Variants in ZRANB3 observed in about 807,000 individuals in gnomAD.
The protein encoded by ZRANB3 is DNA annealing helicase and endonuclease ZRANB3.
A neutral mutation model predicts 133.8 loss-of-function variants in ZRANB3; 125 were observed. The observed-to-expected ratio is 0.93, with a 90% confidence interval of 0.81 to 1.08. The LOEUF (loss-of-function observed/expected upper bound fraction) is 1.08, where lower values mean the gene tolerates loss of function less well. Among genes scored for constraint, ZRANB3 ranks in the 50% least tolerant of loss-of-function variants. The pLI is 0.00. For missense variants in ZRANB3, 1,229 were observed against 1,275.5 expected (o/e 0.96, Z 0.56); for synonymous variants, 387 against 432.7 (o/e 0.89, Z 1.31).
rs1432470283 is a variant in ZRANB3, at chr2:135,250,207, T to G, written c.1539+15327A>C. Among the ~76,000 whole-genome samples, 3 of 152,276 alleles carry G rather than the reference T, an allele frequency of 2.0e-5. No homozygotes were observed. In the East Asian group the frequency reaches 5.8e-4, roughly 29 times the overall value. On this transcript the variant is annotated intron_variant, in intron 12 of 20. Transcript: ENST00000264159. The stretch of plus-strand genomic sequence containing the variant: ...ATTTTGCCCCTACCCTAGAGATTTG[T>G]GGAACTTTGAACTTGAGAGAGATGA...
At chr2:135,408,655 A>C (rs1471847349) in intron 2 of ZRANB3, among the ~76,000 whole-genome samples, 2 of 152,312 alleles carry the variant, frequency 1.3e-5, no homozygotes, top group East Asian at 3.9e-4. Flanking sequence ...ATAAAAAGTG[A>C]TGAGTTCATG....
At chr2:135,303,203 A>G (rs981847682) in intron 8 of ZRANB3, among the ~76,000 whole-genome samples, 4 of 152,122 alleles carry the variant, frequency 2.6e-5, no homozygotes, top group African/African-American at 9.7e-5. Context: ...ACGTATATAT[A>G]TATTTTTTAC....
intron 1 of ZRANB3, chr2:135,511,360 C>G: frequency 1.2e-6 from 1 of 814,902 alleles, no homozygotes; most frequent in Non-Finnish European, 2.2e-6. Flanking sequence ...GGATCAGGCT[C>G]CAGTTCAGCA....
At chr2:135,336,759 G>T (rs1684388889) in intron 6 of ZRANB3, among the ~76,000 whole-genome samples, 1 of 152,082 alleles carries the variant, frequency 6.6e-6, no homozygotes, top group South Asian at 2.1e-4. Context: ...CATATGACAA[G>T]TTCTAGTCAG....
At chr2:135,205,459 G>A (rs1295855976) in intron 19 of ZRANB3, among the ~76,000 whole-genome samples, 1 of 151,708 alleles carries the variant, frequency 6.6e-6, no homozygotes, top group African/African-American at 2.4e-5. Context: ...TTTTTCTTTT[G>A]TAGAAATGGG....
chr2:135,210,974 A>G (rs546530228), intron 17 of ZRANB3, among the ~76,000 whole-genome samples: 2 of 152,222 alleles, frequency 1.3e-5, no homozygotes, highest in South Asian at 4.2e-4. Flanking sequence ...GGGTGCAGTG[A>G]ACTGAGATTG....
At chr2:135,203,416 G>A (rs1305731019) in intron 19 of ZRANB3, among the ~76,000 whole-genome samples, 1 of 151,892 alleles carries the variant, frequency 6.6e-6, no homozygotes, top group Non-Finnish European at 1.5e-5. Context: ...TCAGGAGATC[G>A]AGACAATCCT....
At chr2:135,244,082 A>T (rs971544754) in intron 12 of ZRANB3, among the ~76,000 whole-genome samples, 1 of 150,946 alleles carries the variant, frequency 6.6e-6, no homozygotes. Context: ...TGTTTATTTA[A>T]TGACTTATGT....
intron 2 of ZRANB3, among the ~76,000 whole-genome samples, chr2:135,408,077 T>A (rs1253694690): frequency 6.6e-6 from 1 of 151,784 alleles, no homozygotes. Flanking sequence ...TCTACCCATC[T>A]GACAAAGGGC....
intron 8 of ZRANB3, among the ~76,000 whole-genome samples, chr2:135,309,744 C>T (rs1329006307): frequency 6.6e-6 from 1 of 152,006 alleles, no homozygotes. Flanking sequence ...TTTTCAGGGA[C>T]CAGAAGACTA....
chr2:135,253,335 A>C lies in ZRANB3; in HGVS notation c.1539+12199T>G, dbSNP rs146185279. 1.1e-4 allele frequency among the ~76,000 whole-genome samples: 17 copies of C among 152,282 alleles called. No homozygotes were observed. In the East Asian group the frequency reaches 3.3e-3, roughly 29 times the overall value. ...ACTCACCTACCTTGAACTGTGACCC[A>C]ACCAAGTTCTCAGGCTCTAAAAATC... On this transcript the variant is annotated intron_variant, in intron 12 of 20. Transcript: ENST00000264159.
At chr2:135,421,916 A>G (rs2104970349) in intron 2 of ZRANB3, among the ~76,000 whole-genome samples, 1 of 149,148 alleles carries the variant, frequency 6.7e-6, no homozygotes, top group South Asian at 2.1e-4. Context: ...GCTTTCTAAA[A>G]GAATGTTTCC....
chr2:135,406,013 A>C (rs1688004857), intron 2 of ZRANB3, among the ~76,000 whole-genome samples: 1 of 152,212 alleles, frequency 6.6e-6, no homozygotes, highest in African/African-American at 2.4e-5. Context: ...AACCCTTCAA[A>C]AAAATCAGTG....
intron 8 of ZRANB3, among the ~76,000 whole-genome samples, chr2:135,309,824 C>A (rs1258025860): frequency 1.3e-5 from 2 of 152,182 alleles, no homozygotes; most frequent in South Asian, 2.1e-4. Context: ...AAATTGTATA[C>A]ACTTAAAATG....
At chr2:135,488,096 G>T (rs1692202177) in intron 2 of ZRANB3, among the ~76,000 whole-genome samples, 1 of 152,070 alleles carries the variant, frequency 6.6e-6, no homozygotes, top group Non-Finnish European at 1.5e-5. Flanking sequence ...TTTCAATATT[G>T]TTTTGTCTTA....
intron 2 of ZRANB3, among the ~76,000 whole-genome samples, chr2:135,498,656 A>C (rs1692795294): frequency 6.6e-6 from 1 of 152,208 alleles, no homozygotes; most frequent in Non-Finnish European, 1.5e-5. Flanking sequence ...CTCTTCTTTC[A>C]AAAGCAAACA....
chr2:135,483,781 G>C (rs1294117827), intron 2 of ZRANB3, among the ~76,000 whole-genome samples: 2 of 152,116 alleles, frequency 1.3e-5, no homozygotes, highest in Non-Finnish European at 2.9e-5. Flanking sequence ...ACACTGCTTT[G>C]AATGCGTCCC....
intron 2 of ZRANB3, among the ~76,000 whole-genome samples, chr2:135,483,598 G>T (rs1324935407): frequency 6.6e-6 from 1 of 151,940 alleles, no homozygotes; most frequent in Non-Finnish European, 1.5e-5. Context: ...AAGGGTTTTT[G>T]TGTCTCTATT....
intron 2 of ZRANB3, among the ~76,000 whole-genome samples, chr2:135,474,307 C>T (rs1691405707): frequency 6.6e-6 from 1 of 152,116 alleles, no homozygotes; most frequent in Admixed American, 6.5e-5. Flanking sequence ...CCATGTTTGA[C>T]TCAACCCGAC....
Sources: allele counts gnomAD v4.1 joint callset (sites outside exome capture counted in the v4.1 genomes callset), GRCh38; gene constraint gnomAD v4.1.1; transcripts MANE v1.5; gene names NCBI Gene and HGNC (gene_info 2026-07-23, HGNC 2026-07-21).